SPATA17: variants seen among roughly 807,000 people sequenced by gnomAD.
SPATA17 encodes spermatogenesis associated 17.
SPATA17 carries 53 observed loss-of-function variants against 62.2 expected under a neutral mutation model. The ratio of observed to expected loss-of-function variants is 0.85; its 90% confidence interval spans 0.68 to 1.07. The LOEUF is 1.07. Among genes scored for constraint, SPATA17 ranks in the 50% least tolerant of loss-of-function variants. The probability of loss-of-function intolerance (pLI) is 0.00; values close to 1 mark genes in which losing one functional copy is unlikely to be tolerated. For missense variants in SPATA17, 466 were observed against 425.5 expected (o/e 1.10, Z -0.84); for synonymous variants, 146 against 146.8 (o/e 0.99, Z 0.04).
In SPATA17 at chr1:217,870,848, T is replaced by C. The variant is rs1676115063; in HGVS notation, c.*3829T>C. ...ATTTCCTTGAGGGCAAATATTGTCT[T>C]TCTTGATAAATGCCCTGGACCCAAC... is the stretch of plus-strand genomic sequence containing the variant. On this transcript the variant is annotated 3_prime_UTR_variant, in exon 11 of 11. Coordinates refer to ENST00000366933, the MANE Select transcript of SPATA17 (RefSeq NM_138796.4). The C allele has an allele frequency of 6.6e-6, 1 of 152,202 alleles. No homozygotes were observed. The highest frequency in any genetic ancestry group is 1.5e-5 in the Non-Finnish European group (1 of 68,032). 9.4% of individuals were successfully genotyped at this position (152,202 alleles called of 1,614,324 possible).
chr1:217,843,458 A>C (rs181286992), intron 9 of SPATA17, among the ~76,000 whole-genome samples: 1 of 152,196 alleles, frequency 6.6e-6, no homozygotes. Context: ...CTCTACAAAA[A>C]AAAATGAAAT....
chr1:217,797,685 C>T (rs1674183005), intron 8 of SPATA17, among the ~76,000 whole-genome samples: 1 of 152,058 alleles, frequency 6.6e-6, no homozygotes. Context: ...ATGTCATTTA[C>T]CCATATTTCC....
intron 8 of SPATA17, among the ~76,000 whole-genome samples, chr1:217,797,507 C>T (rs879765951): frequency 2.6e-5 from 4 of 152,040 alleles, no homozygotes; most frequent in Non-Finnish European, 5.9e-5. Flanking sequence ...ACCTCAGCCT[C>T]CCAAAGTGCT....
intron 9 of SPATA17, among the ~76,000 whole-genome samples, chr1:217,849,566 C>T (rs1675601070): frequency 6.6e-6 from 1 of 152,030 alleles, no homozygotes; most frequent in Non-Finnish European, 1.5e-5. Flanking sequence ...AATCTCTTGC[C>T]AGGAGTGCAA....
chr1:217,739,731 A>G lies in SPATA17; in HGVS notation c.396-2244A>G, dbSNP rs573741712. On this transcript the variant is annotated intron_variant, in intron 5 of 10. Transcript: ENST00000366933. ...CTATAACAAAAATGTATATATCAAGAATAATTTATTTAGCAATTCCTACTT... is the reference window on the plus strand; with the variant it reads ...CTATAACAAAAATGTATATATCAAGGATAATTTATTTAGCAATTCCTACTT... The G allele has an allele frequency of 2.6e-5, 4 of 152,268 alleles. 1 individual carries two copies. The South Asian group carries it at 8.3e-4, about 32-fold the overall frequency. 9.4% of individuals were successfully genotyped at this position (152,268 alleles called of 1,614,324 possible).
At chr1:217,837,039 A>C (rs112790147) in intron 9 of SPATA17, among the ~76,000 whole-genome samples, 1 of 152,142 alleles carries the variant, frequency 6.6e-6, no homozygotes. Flanking sequence ...CCTTCCCCAC[A>C]GTGCAGTACC....
chr1:217,703,174 C>CTTTTTTTTTTCTTT (rs1671643648), intron 5 of SPATA17, among the ~76,000 whole-genome samples: 1 of 105,510 alleles, frequency 9.5e-6, no homozygotes, highest in Non-Finnish European at 1.9e-5. Flanking sequence ...TGCGCTCGGC[C>CTTTTTTTTTTCTTT]TTTTTTTTTT....
Position 217,774,389 on chromosome 1 carries a change from A to C in SPATA17, c.575A>C (p.Gln192Pro), listed in dbSNP as rs766296056. The part of the protein sequence containing the change: ...FRKEPDPWEL[Q>P]LQKAKPLTHR... ...AAAGAGCCTGATCCATGGGAGCTGC[A>C]ATTACAGAAGGCAAAGCCTTTAACA... The change falls in exon 7 of 11, where the codon CAA becomes CCA. Residue 192 changes from glutamine to proline, a missense_variant. By Grantham distance (76) the Gln-to-Pro change is moderately conservative. Transcript: ENST00000366933. 6.2e-7 allele frequency: 1 copy of C among 1,614,118 alleles called. No homozygotes were observed. The highest frequency in any genetic ancestry group is 1.3e-5 in the African/African-American group (1 of 75,066).
intron 6 of SPATA17, among the ~76,000 whole-genome samples, chr1:217,753,405 T>C (rs954486125): frequency 3.9e-5 from 6 of 152,160 alleles, no homozygotes; most frequent in Non-Finnish European, 5.9e-5. Context: ...GTAAACCTTA[T>C]CATTTTAGGC....
At position 217,665,644 on chromosome 1, in the gene SPATA17, A is replaced by G. The variant is rs7523410; in HGVS notation, c.241-3389A>G. Among the ~76,000 whole-genome samples, 384 of 152,292 alleles carry G rather than the reference A, an allele frequency of 2.5e-3. 1 individual carries two copies. Among genetic ancestry groups the G allele is most frequent in the African/African-American group, 9.0e-3 (374 of 41,578 alleles). ...TGTCTTACAGGCAGGATAACATTCA[A>G]AATACTCAGCCATGTATACAGTTGG... is the stretch of plus-strand genomic sequence containing the variant. On this transcript the variant is annotated intron_variant, in intron 3 of 10. Transcript: ENST00000366933.
intron 6 of SPATA17, among the ~76,000 whole-genome samples, chr1:217,764,919 A>G (rs1673259997): frequency 6.6e-6 from 1 of 152,068 alleles, no homozygotes; most frequent in African/African-American, 2.4e-5. Flanking sequence ...CTTCCAGTAC[A>G]GTGTTGAAAA....
At chr1:217,690,934 A>G (rs1423724128) in intron 5 of SPATA17, among the ~76,000 whole-genome samples, 5 of 146,592 alleles carry the variant, frequency 3.4e-5, no homozygotes, top group African/African-American at 1.3e-4. Flanking sequence ...ATTGTGAATA[A>G]TGCCGCAATA....
chr1:217,815,967 T>G (rs998417111), intron 9 of SPATA17, among the ~76,000 whole-genome samples: 2 of 152,154 alleles, frequency 1.3e-5, no homozygotes, highest in Non-Finnish European at 2.9e-5. Flanking sequence ...ATACTTCCAT[T>G]ATGTATTATC....
chr1:217,849,524 A>C (rs1276516244), intron 9 of SPATA17, among the ~76,000 whole-genome samples: 2 of 152,138 alleles, frequency 1.3e-5, no homozygotes. Context: ...AAAACTAAAT[A>C]TATATAATTA....
In SPATA17 at chr1:217,761,372, CT is replaced by C. The variant is rs375351757; in HGVS notation, c.520-12960del. On this transcript the variant is annotated intron_variant, in intron 6 of 10. Transcript: ENST00000366933. ...CACTCTTGTTGTTTTCTGAGAATGC[CT>C]TGCCACACCTTATACACCAAACTCC... is the stretch of plus-strand genomic sequence containing the variant. Among the ~76,000 whole-genome samples, 81 of 152,208 alleles carry C rather than the reference CT, an allele frequency of 5.3e-4. 1 individual carries two copies. The highest frequency in any genetic ancestry group is 1.8e-3 in the African/African-American group (73 of 41,524).
intron 9 of SPATA17, among the ~76,000 whole-genome samples, chr1:217,851,039 C>T (rs184673076): frequency 2.2e-4 from 34 of 152,210 alleles, no homozygotes; most frequent in African/African-American, 6.5e-4. Context: ...AGGATTTGCA[C>T]CTACTAAGAA....
intron 5 of SPATA17, among the ~76,000 whole-genome samples, chr1:217,689,422 C>T (rs555328672): frequency 5.3e-5 from 8 of 151,900 alleles, no homozygotes; most frequent in South Asian, 4.2e-4. Flanking sequence ...GATGGGGTTT[C>T]GCCATGTTGG....
chr1:217,696,162 C>T (rs541402787), intron 5 of SPATA17, among the ~76,000 whole-genome samples: 10 of 152,350 alleles, frequency 6.6e-5, no homozygotes, highest in Non-Finnish European at 1.0e-4. Context: ...GGGCGTAGGA[C>T]CCTCCGAGCC....
chr1:217,865,354 T>C (rs1675986969), intron 10 of SPATA17, among the ~76,000 whole-genome samples: 1 of 152,198 alleles, frequency 6.6e-6, no homozygotes, highest in Non-Finnish European at 1.5e-5. Context: ...TTTATCAGAT[T>C]AATCTTTCTC....
Sources: allele counts gnomAD v4.1 joint callset (sites outside exome capture counted in the v4.1 genomes callset), GRCh38; gene constraint gnomAD v4.1.1; transcripts MANE v1.5; gene names NCBI Gene and HGNC (gene_info 2026-07-23, HGNC 2026-07-21).